The following HHATL variants were observed in gnomAD, a reference collection of about 807,000 sequenced individuals.
HHATL encodes the protein hedgehog acyltransferase like, also known as protein-cysteine N-palmitoyltransferase HHAT-like protein.
HHATL carries 49 observed loss-of-function variants against 59.7 expected under a neutral mutation model. The ratio of observed to expected loss-of-function variants is 0.82; its 90% confidence interval spans 0.65 to 1.04. The LOEUF is 1.04. HHATL is among the 50% of genes least tolerant of loss of function. The pLI is 0.00. For missense variants in HHATL, 605 were observed against 650.8 expected (o/e 0.93, Z 0.77); for synonymous variants, 238 against 257.3 (o/e 0.93, Z 0.72).
rs753562575 is a variant in HHATL at position 42,692,765 on chromosome 3, C to T, written c.1501G>A (p.Glu501Lys). Residue 501 changes from glutamate to lysine, a missense_variant, in exon 12 of 12, where the codon GAG becomes AAG. Transcript: ENST00000441594. ...ALEEEQKQDK[E>K]KPE ...CCCGCTCCCTCCTACTCCGGCTTCT[C>T]TTTGTCCTGCTTCTGCTCCTCCTCC... is the stretch of plus-strand genomic sequence containing the variant. The T allele has an allele frequency of 2.5e-6, 4 of 1,614,106 alleles. No individual in the cohort carries two copies. Among genetic ancestry groups the T allele is most frequent in the Non-Finnish European group, 3.4e-6 (4 of 1,180,042 alleles).
chr3:42,697,066 G>C lies in HHATL; in HGVS notation c.945C>G (p.Cys315Trp). Residue 315 changes from cysteine (C) to tryptophan (W), a missense_variant, in exon 8 of 12, where the codon TGC becomes TGG. Transcript: ENST00000441594. Reference sequence around the variant, plus strand: ...GCTGGGGTGGGTCCAGGTGGTCGAGGCATGCCACAGTGTTGACAACACCAA... The same window carrying C: ...GCTGGGGTGGGTCCAGGTGGTCGAGCCATGCCACAGTGTTGACAACACCAA... ...VLFGVVNTVA[C>W]LDHLDPPQPP... The C allele has an allele frequency of 1.9e-6, 3 of 1,588,028 alleles. No individual in the cohort carries two copies. Among genetic ancestry groups the C allele is most frequent in the African/African-American group, 2.7e-5 (2 of 74,600 alleles).
At chr3:42,696,775 C>G in intron 9 of HHATL, 67 bp downstream of exon 9, 1 of 1,560,974 alleles carries the variant, frequency 6.4e-7, no homozygotes, top group Non-Finnish European at 8.8e-7. Flanking sequence ...GTGGACCCAT[C>G]TTGGCACTGC....
chr3:42,698,299 C>G lies in HHATL; in HGVS notation c.536G>C (p.Gly179Ala), dbSNP rs1327109709. ...GCAACGCAGCACTGTGAAGCTGCTG[C>G]CCCCATGAAACAGCACCTCTTGAAG... ...FDLQEVLFHG[G>A]SSFTVLRCTS... The change falls in exon 6 of 12, where the codon GGC (glycine) becomes GCC (alanine). Residue 179 changes from glycine (G) to alanine (A), a missense_variant. By Grantham distance (60) the Gly-to-Ala change is moderately conservative. Coordinates refer to ENST00000441594, the MANE Select transcript of HHATL (RefSeq NM_020707.4). The G allele has an allele frequency of 4.3e-6, 7 of 1,613,928 alleles. No homozygotes were observed. In the African/African-American group the frequency reaches 8.0e-5, roughly 18 times the overall value.
In HHATL at chr3:42,701,240, G is replaced by A. The variant is rs149612279; in HGVS notation, c.-13-401C>T. ...TATCACTACAGTCAGGTTTCTGCCT[G>A]CAGGGTCCCCACCTCGATCAGTGAG... On this transcript the variant is annotated intron_variant, in intron 1 of 11. Transcript: ENST00000441594. The surrounding 1 kb of genome is among the most constrained non-coding windows in gnomAD (Gnocchi z 5.1). 2.7e-3 allele frequency: 503 copies of A among 183,082 alleles called. 3 individuals are homozygous for A. Among genetic ancestry groups the A allele is most frequent in the African/African-American group, 0.011 (482 of 42,948 alleles). The allele number at this position is 183,082 out of a possible 1,614,324, so 11.3% of individuals were successfully genotyped here. A position where few individuals can be genotyped will look rare whatever the true frequency, so the allele number is the denominator to read the frequency against.
chr3:42,693,217 G>C lies in HHATL; in HGVS notation c.1250C>G (p.Ala417Gly), dbSNP rs751587988. 1.4e-5 allele frequency: 23 copies of C among 1,613,880 alleles called. No individual in the cohort carries two copies. In the African/African-American group the frequency reaches 2.8e-4, roughly 20 times the overall value. The change falls in exon 11 of 12, where the codon GCC (alanine) becomes GGC (glycine). Residue 417 changes from alanine to glycine, a missense_variant and splice_region_variant. Transcript: ENST00000441594. ...AEWGPLARIE[A>G]SLSVQMSRRV... Reference sequence around the variant, plus strand: ...ACGGGACATCTGCACTGACAGAGAGGCCTATCCGGTCCAGGAAAGCATGGG... The same window carrying C: ...ACGGGACATCTGCACTGACAGAGAGCCCTATCCGGTCCAGGAAAGCATGGG...
In HHATL at chr3:42,693,806, G is replaced by T. The variant is rs151093970; in HGVS notation, c.1059C>A (p.Asn353Lys). The change falls in exon 10 of 12, where the codon AAC (asparagine) becomes AAA (lysine). Residue 353 changes from asparagine (N) to lysine (K), a missense_variant. Asn to Lys is a moderately conservative substitution (Grantham distance 94). Transcript: ENST00000441594. Reference protein sequence around the residue: ...INDWLCKYVYNHIGGEHSAVI... With the variant: ...INDWLCKYVYKHIGGEHSAVI... ...CAGCGGAATGCTCCCCACCAATGTG[G>T]TTATACACATATCTGCAGGAAAGAT... The T allele has an allele frequency of 1.9e-6, 3 of 1,613,662 alleles. No individual in the cohort carries two copies. In the South Asian group the frequency reaches 3.3e-5, roughly 18 times the overall value.
At chr3:42,696,778 G>A in intron 9 of HHATL, 64 bp downstream of exon 9, 1 of 1,563,332 alleles carries the variant, frequency 6.4e-7, no homozygotes, top group Non-Finnish European at 8.8e-7. Context: ...GACCCATCTT[G>A]GCACTGCCCT....
Position 42,695,989 on chromosome 3 carries a change from C to T in HHATL, c.1046+853G>A, listed in dbSNP as rs144912075. Among the ~76,000 whole-genome samples, 1,220 of 152,256 alleles carry T rather than the reference C, an allele frequency of 8.0e-3. 16 individuals carry two copies. Among genetic ancestry groups the T allele is most frequent in the African/African-American group, 0.027 (1,138 of 41,550 alleles). ...CCACTCCTGTCTTCCCCCTGCAGTC[C>T]CAGGCTTCTTCCAGGAGTCATCACA... On this transcript the variant is annotated intron_variant, in intron 9 of 11. Transcript: ENST00000441594.
chr3:42,699,826 C>T lies in HHATL; in HGVS notation c.107-1G>A. ...CGGAAGGCCTTCCTGTGGGCCCCATCTGAGAACAGAGTGTGGCCTCAGGGA... is the reference window on the plus strand; with the variant it reads ...CGGAAGGCCTTCCTGTGGGCCCCATTTGAGAACAGAGTGTGGCCTCAGGGA... On this transcript the variant is annotated splice_acceptor_variant, in intron 2 of 11. Transcript: ENST00000441594. LOFTEE classifies it high-confidence loss of function. 6.4e-7 allele frequency: 1 copy of T among 1,559,958 alleles called. No homozygotes were observed.
intron 3 of HHATL, 83 bp downstream of exon 3, chr3:42,699,671 AGCTC>A: frequency 8.7e-7 from 1 of 1,151,656 alleles, no homozygotes; most frequent in Non-Finnish European, 1.3e-6. Context: ...AGCTGTGAGA[AGCTC>A]TCTGTTACTT....
At chr3:42,698,387 G>A (rs764753074) in intron 5 of HHATL, 36 bp from the exon 6 acceptor site, 1 of 1,584,114 alleles carries the variant, frequency 6.3e-7, no homozygotes, top group South Asian at 1.1e-5. Flanking sequence ...AGCTCACTAG[G>A]GTGCCTCCTG....
chr3:42,697,739 A>AG lies in HHATL; in HGVS notation c.694-61dup. The AG allele has an allele frequency of 3.2e-6, 5 of 1,543,170 alleles. No individual in the cohort carries two copies. In the South Asian group the frequency reaches 3.6e-5, roughly 11 times the overall value. ...AGCCCTGCCTGGGGAGCCCTGTCTG[A>AG]GGGGGGCTCACCAACTACTTGGGGC... On this transcript the variant is annotated intron_variant, in intron 6 of 11. Coordinates refer to ENST00000441594, the MANE Select transcript of HHATL (RefSeq NM_020707.4).
chr3:42,699,357 C>A (rs940991589), intron 3 of HHATL, among the ~76,000 whole-genome samples: 1 of 152,154 alleles, frequency 6.6e-6, no homozygotes, highest in Non-Finnish European at 1.5e-5. Context: ...AAGAGCAGTG[C>A]CTGCAGGTCT....
Position 42,701,140 on chromosome 3 carries a change from G to A in HHATL, c.-13-301C>T, listed in dbSNP as rs1697963556. ...CATTTACATCTTCATACCTTCCAGA[G>A]GCACCGGCCCCACCCTCTGCCAAAA... is the stretch of plus-strand genomic sequence containing the variant. On this transcript the variant is annotated intron_variant, in intron 1 of 11. Coordinates refer to ENST00000441594, the MANE Select transcript of HHATL (RefSeq NM_020707.4). This position sits in a 1 kb window ranked among gnomAD's most constrained non-coding sequence, Gnocchi z 5.1. 2.8e-6 allele frequency: 1 copy of A among 360,300 alleles called. No homozygotes were observed. Among genetic ancestry groups the A allele is most frequent in the Admixed American group, 4.0e-5 (1 of 24,766 alleles). The allele number at this position is 360,300 out of a possible 1,614,324, so 22.3% of individuals were successfully genotyped here. A position where few individuals can be genotyped will look rare whatever the true frequency, so the allele number is the denominator to read the frequency against.
chr3:42,695,155 C>T (rs990854277), intron 9 of HHATL, among the ~76,000 whole-genome samples: 2 of 152,188 alleles, frequency 1.3e-5, no homozygotes, highest in Admixed American at 1.3e-4. Context: ...CACCCATGGC[C>T]ATGCCCCAAC....
intron 2 of HHATL, 36 bp downstream of exon 2, chr3:42,700,685 G>A (rs774744293): frequency 1.4e-6 from 2 of 1,449,988 alleles, no homozygotes; most frequent in African/African-American, 1.4e-5. Flanking sequence ...AGGGGAAGAA[G>A]GGTCCTGTCC....
chr3:42,697,211 G>A, intron 7 of HHATL, 66 bp from the exon 8 acceptor site: 1 of 1,495,206 alleles, frequency 6.7e-7, no homozygotes, highest in East Asian at 2.3e-5. Context: ...TGAAGACCCT[G>A]TCCCACCACT....
chr3:42,696,107 T>G (rs561159819), intron 9 of HHATL, among the ~76,000 whole-genome samples: 1 of 152,266 alleles, frequency 6.6e-6, no homozygotes, highest in Admixed American at 6.5e-5. Context: ...GCACTAATCC[T>G]CGGTCTCCAG....
At position 42,701,198 on chromosome 3, in the gene HHATL, C is replaced by T. The variant is rs1437344919; in HGVS notation, c.-13-359G>A. The stretch of plus-strand genomic sequence containing the variant: ...TGCCAAGGCCCCCATGACCTGCGTG[C>T]GGAGAAACCCCACCTCTATCACTAC... On this transcript the variant is annotated intron_variant, in intron 1 of 11. Coordinates refer to ENST00000441594, the MANE Select transcript of HHATL (RefSeq NM_020707.4). The surrounding 1 kb of genome is among the most constrained non-coding windows in gnomAD (Gnocchi z 5.1). 7.0e-5 allele frequency: 16 copies of T among 228,504 alleles called. No individual in the cohort carries two copies. Among genetic ancestry groups the T allele is most frequent in the Non-Finnish European group, 1.1e-4 (13 of 114,530 alleles). The allele number at this position is 228,504 out of a possible 1,614,324, so 14.2% of individuals were successfully genotyped here.
Sources: allele counts gnomAD v4.1 joint callset (sites outside exome capture counted in the v4.1 genomes callset), GRCh38; gene constraint gnomAD v4.1.1; non-coding constraint Gnocchi (gnomAD v3.1); transcripts MANE v1.5; gene names NCBI Gene and HGNC (gene_info 2026-07-23, HGNC 2026-07-21).